The following GNG7 variants were observed in gnomAD, a reference collection of about 807,000 sequenced individuals.
GNG7 encodes the protein G protein subunit gamma 7, also known as guanine nucleotide-binding protein G(I)/G(S)/G(O) subunit gamma-7.
A neutral mutation model predicts 4.0 loss-of-function variants in GNG7; 1 was observed. That is an observed-to-expected ratio of 0.25 (90% CI 0.09 to 1.18). The LOEUF (loss-of-function observed/expected upper bound fraction) is 1.18, where lower values mean the gene tolerates loss of function less well. Ranked by LOEUF, GNG7 falls within the 50% of genes most tolerant of loss-of-function variation. The pLI, the probability that GNG7 is intolerant of heterozygous loss-of-function variation, is 0.50. For synonymous variants in GNG7, 34 were observed against 36.9 expected, an observed-to-expected ratio of 0.92 and a Z score of 0.29; for missense variants, 86 against 91.9, an observed-to-expected ratio of 0.94 and a Z score of 0.26.
chr19:2,541,106 C>T (rs182964482), intron 3 of GNG7, among the ~76,000 whole-genome samples: 166 of 152,322 alleles, frequency 1.1e-3, no homozygotes, highest in Non-Finnish European at 1.8e-3. Context: ...GCCAGAGAGG[C>T]GAGGGAGCGG....
chr19:2,702,650 G>C lies in GNG7; in HGVS notation c.-139C>G, dbSNP rs1327879120. The C allele has an allele frequency of 6.6e-6, 1 of 151,348 alleles. No individual in the cohort carries two copies. The highest frequency in any genetic ancestry group is 1.5e-5 in the Non-Finnish European group (1 of 67,614). The allele number at this position is 151,348 out of a possible 1,614,324, so 9.4% of individuals were successfully genotyped here. A position where few individuals can be genotyped will look rare whatever the true frequency, so the allele number is the denominator to read the frequency against. ...CCGGTTCGCGGGCGCCCTTACCTGC[G>C]CTCGGGCCCCGCGGCCGCCTCAGCC... On this transcript the variant is annotated 5_prime_UTR_variant, in exon 1 of 5. Coordinates refer to ENST00000382159, the MANE Select transcript of GNG7 (RefSeq NM_052847.3).
At chr19:2,555,044 A>G (rs1040318377) in intron 3 of GNG7, 105 bp downstream of exon 3, 7 of 151,910 alleles carry the variant, frequency 4.6e-5, no homozygotes, top group African/African-American at 1.7e-4. Context: ...GGATGACTCA[A>G]CCTCCCAAAG....
chr19:2,632,134 G>GT (rs1982175349), intron 2 of GNG7: 1 of 152,240 alleles, frequency 6.6e-6, no homozygotes, highest in South Asian at 2.1e-4. Context: ...TCCTAGAAAG[G>GT]TAAGACTCCT....
At chr19:2,516,347 C>T (rs1972734840) in intron 4 of GNG7, among the ~76,000 whole-genome samples, 1 of 152,006 alleles carries the variant, frequency 6.6e-6, no homozygotes, top group Non-Finnish European at 1.5e-5. Flanking sequence ...GCCTCAGCCT[C>T]CTGAGTAGCT....
At chr19:2,625,626 C>A (rs1265845164) in intron 2 of GNG7, among the ~76,000 whole-genome samples, 2 of 152,104 alleles carry the variant, frequency 1.3e-5, no homozygotes, top group African/African-American at 4.8e-5. Flanking sequence ...CCAGTGTTTC[C>A]ATGGTTGCCA....
chr19:2,573,523 A>C lies in GNG7; in HGVS notation c.-77-18335T>G, dbSNP rs555000134. 9.2e-5 allele frequency among the ~76,000 whole-genome samples: 14 copies of C among 152,090 alleles called. No individual in the cohort carries two copies. In the South Asian group the frequency reaches 2.7e-3, roughly 29 times the overall value. ...GCGCTATCTGTGGAGAACGATCTAA[A>C]AGTGGGATTGGGGCTGGGGGTGGTG... is the stretch of plus-strand genomic sequence containing the variant. On this transcript the variant is annotated intron_variant, in intron 2 of 4. Transcript: ENST00000382159.
At chr19:2,675,537 C>G (rs921170291) in intron 1 of GNG7, among the ~76,000 whole-genome samples, 2 of 152,166 alleles carry the variant, frequency 1.3e-5, no homozygotes, top group South Asian at 4.1e-4. Flanking sequence ...TCAGATGTCG[C>G]GGCCCCTCTG....
chr19:2,674,982 A>G (rs778470833), intron 1 of GNG7, among the ~76,000 whole-genome samples: 3 of 152,152 alleles, frequency 2.0e-5, no homozygotes, highest in African/African-American at 2.4e-5. Context: ...CTTTTCCTAA[A>G]ACGGAACTGT....
chr19:2,566,097 G>A (rs1430279060), intron 2 of GNG7, among the ~76,000 whole-genome samples: 2 of 152,084 alleles, frequency 1.3e-5, no homozygotes, highest in African/African-American at 4.8e-5. Flanking sequence ...GGCGGAGGTG[G>A]CAGTGAGCCA....
chr19:2,670,383 G>C (rs956837920), intron 1 of GNG7, among the ~76,000 whole-genome samples: 1 of 152,200 alleles, frequency 6.6e-6, no homozygotes, highest in East Asian at 1.9e-4. Context: ...CCTCGACCCC[G>C]CTGTCACGGG....
intron 1 of GNG7, among the ~76,000 whole-genome samples, chr19:2,655,531 T>A (rs975161000): frequency 6.6e-6 from 1 of 151,290 alleles, no homozygotes; most frequent in Admixed American, 6.6e-5. Context: ...GGTGAAACTC[T>A]GTCTCTACTA....
intron 2 of GNG7, among the ~76,000 whole-genome samples, chr19:2,558,764 T>A (rs1487573666): frequency 6.6e-6 from 1 of 151,470 alleles, no homozygotes; most frequent in Non-Finnish European, 1.5e-5. Context: ...TCTTTCTTTC[T>A]TTTTTCTTTC....
intron 2 of GNG7, among the ~76,000 whole-genome samples, chr19:2,608,248 A>C (rs1373547537): frequency 2.6e-5 from 4 of 152,062 alleles, no homozygotes; most frequent in Non-Finnish European, 5.9e-5. Flanking sequence ...TCTGAGGAGC[A>C]GAAAGACCGA....
At chr19:2,565,234 A>G (rs10405346) in intron 2 of GNG7, among the ~76,000 whole-genome samples, 126,559 of 151,808 alleles carry the variant, frequency 0.83, 53,021 homozygotes, top group African/African-American at 0.9. Context: ...AAGCTGTGCC[A>G]GGCGCGGTGG....
chr19:2,574,219 G>A (rs1163381826), intron 2 of GNG7, among the ~76,000 whole-genome samples: 3 of 152,218 alleles, frequency 2.0e-5, no homozygotes, highest in South Asian at 2.1e-4. Context: ...GCGGGAACAC[G>A]CATCTCATAT....
intron 2 of GNG7, among the ~76,000 whole-genome samples, chr19:2,600,379 C>T (rs1162622279): frequency 6.6e-6 from 1 of 151,774 alleles, no homozygotes; most frequent in East Asian, 1.9e-4. Context: ...GAGTTCAATC[C>T]ACTGTGATAT....
Position 2,618,704 on chromosome 19 carries a change from G to A in GNG7, c.-78+27520C>T, listed in dbSNP as rs1246093123. Among the ~76,000 whole-genome samples, 1 of 151,884 alleles carries A rather than the reference G, an allele frequency of 6.6e-6. No individual in the cohort carries two copies. Among genetic ancestry groups the A allele is most frequent in the Non-Finnish European group, 1.5e-5 (1 of 67,998 alleles). ...ATTTGGAGTAATTTTAGATTTACAGGAAAGTTGCAAAGAGAGAGTCCCCGC... is the reference window on the plus strand; with the variant it reads ...ATTTGGAGTAATTTTAGATTTACAGAAAAGTTGCAAAGAGAGAGTCCCCGC... On this transcript the variant is annotated intron_variant, in intron 2 of 4. Coordinates refer to ENST00000382159, the MANE Select transcript of GNG7 (RefSeq NM_052847.3). This position sits in a 1 kb window ranked among gnomAD's most constrained non-coding sequence, Gnocchi z 5.1.
chr19:2,661,754 T>A (rs1468216999), intron 1 of GNG7, among the ~76,000 whole-genome samples: 1 of 150,388 alleles, frequency 6.6e-6, no homozygotes, highest in East Asian at 1.9e-4. Context: ...TTTGCCCTCC[T>A]GTCAAGGCCA....
chr19:2,518,982 G>C lies in GNG7; in HGVS notation c.81+1626C>G, dbSNP rs1001758757. On this transcript the variant is annotated intron_variant, in intron 4 of 4. Transcript: ENST00000382159. The stretch of plus-strand genomic sequence containing the variant: ...GGCTAATTTTTTTGTAATTTTAGTA[G>C]AGATGGGGTTTCACCATATTGGCCA... Among the ~76,000 whole-genome samples the C allele has an allele frequency of 3.3e-5, 5 of 151,748 alleles. No individual in the cohort carries two copies. The South Asian group carries it at 8.3e-4, about 25-fold the overall frequency.
Sources: gnomAD v4.1 joint callset for allele counts (sites outside exome capture counted in the v4.1 genomes callset) on GRCh38, gnomAD v4.1.1 for gene constraint, Gnocchi (gnomAD v3.1) non-coding constraint, MANE v1.5 for transcripts, NCBI Gene and HGNC (gene_info 2026-07-23, HGNC 2026-07-21) for gene names.